MTSS1: variants seen among roughly 807,000 people sequenced by gnomAD.
MTSS1 encodes MTSS I-BAR domain containing 1, also known as protein MTSS 1.
A neutral mutation model predicts 79.0 loss-of-function variants in MTSS1; 18 were observed. The ratio of observed to expected loss-of-function variants is 0.23; its 90% CI spans 0.16 to 0.34. MTSS1 has a LOEUF of 0.34. Among genes scored for constraint, MTSS1 ranks in the 10% least tolerant of loss-of-function variants. MTSS1 has a pLI of 1.00. For synonymous variants in MTSS1, 341 were observed against 368.6 expected, an observed-to-expected ratio of 0.93 and a Z score of 0.86; for missense variants, 815 against 986.2, an observed-to-expected ratio of 0.83 and a Z score of 2.33.
chr8:124,688,698 A>G (rs1176695737), intron 3 of MTSS1, among the ~76,000 whole-genome samples: 1 of 152,212 alleles, frequency 6.6e-6, no homozygotes, highest in Non-Finnish European at 1.5e-5. Flanking sequence ...GAGAGACAGA[A>G]CAGAGATTTT....
intron 3 of MTSS1, among the ~76,000 whole-genome samples, chr8:124,655,651 A>G (rs1389492525): frequency 6.6e-6 from 1 of 152,212 alleles, no homozygotes; most frequent in East Asian, 1.9e-4. Context: ...CCACACCCAT[A>G]ATACAAGTTG....
rs1323210689 is a variant in MTSS1, at chr8:124,562,936, G to C, written c.881C>G (p.Ser294Cys). 6.2e-7 allele frequency: 1 copy of C among 1,613,526 alleles called. No individual in the cohort carries two copies. Among genetic ancestry groups the C allele is most frequent in the Non-Finnish European group, 8.5e-7 (1 of 1,179,776 alleles). The change falls in exon 10 of 14, where the codon TCC (serine) becomes TGC (cysteine). Residue 294 changes from serine (S) to cysteine (C), a missense_variant. This residue lies in a region of MTSS1 where 590 missense variants were observed against 620.8 expected (regional missense o/e 0.95). Coordinates refer to ENST00000518547, the MANE Select transcript of MTSS1 (RefSeq NM_014751.6). ...GCGGTAGCGGTAATGTGAGCTGGGG[G>C]AATGCGAGTGGGAGCCGCTGGACCG... ...DSRSSGSHSH[S>C]PSSHYRYRSS... is the part of the protein sequence containing the mutation.
At chr8:124,679,002 T>C (rs1341845338) in intron 3 of MTSS1, among the ~76,000 whole-genome samples, 1 of 152,240 alleles carries the variant, frequency 6.6e-6, no homozygotes, top group African/African-American at 2.4e-5. Context: ...GGAGCATGAA[T>C]TCAGGAGATC....
At chr8:124,691,170 A>G (rs1827871505) in intron 3 of MTSS1, among the ~76,000 whole-genome samples, 1 of 152,250 alleles carries the variant, frequency 6.6e-6, no homozygotes, top group Admixed American at 6.5e-5. Flanking sequence ...TGAAGTGGAA[A>G]AACACCAAAA....
intron 3 of MTSS1, among the ~76,000 whole-genome samples, chr8:124,628,226 T>C (rs1298870699): frequency 1.3e-5 from 2 of 152,114 alleles, no homozygotes; most frequent in African/African-American, 2.4e-5. Flanking sequence ...AGGTCAGTAA[T>C]ACAAACAGAA....
intron 3 of MTSS1, among the ~76,000 whole-genome samples, chr8:124,619,774 A>G (rs1298709941): frequency 6.6e-6 from 1 of 152,178 alleles, no homozygotes; most frequent in Non-Finnish European, 1.5e-5. Flanking sequence ...ATGTGGCCCA[A>G]CAGCTCCATA....
intron 1 of MTSS1, among the ~76,000 whole-genome samples, chr8:124,714,449 T>C (rs755535671): frequency 4.6e-5 from 7 of 151,902 alleles, no homozygotes; most frequent in Non-Finnish European, 7.4e-5. Context: ...CTCCTGAGTT[T>C]GCTCAGTTGT....
At chr8:124,627,157 C>G (rs1015092748) in intron 3 of MTSS1, among the ~76,000 whole-genome samples, 4 of 152,172 alleles carry the variant, frequency 2.6e-5, no homozygotes, top group Admixed American at 2.6e-4. Context: ...CCCCTGCAAC[C>G]TGGTACCTCT....
chr8:124,564,775 G>C (rs1826051559), intron 9 of MTSS1: 1 of 150,948 alleles, frequency 6.6e-6, no homozygotes, highest in Admixed American at 6.6e-5. Context: ...TGTCCAGGAT[G>C]CAGCGTCTTA....
intron 3 of MTSS1, among the ~76,000 whole-genome samples, chr8:124,628,306 C>A (rs550077563): frequency 1.2e-3 from 177 of 152,250 alleles, no homozygotes; most frequent in African/African-American, 3.8e-3. Flanking sequence ...ACATCAGCCG[C>A]GTCAGTCTTA....
chr8:124,697,442 C>A (rs1199998532), intron 3 of MTSS1, among the ~76,000 whole-genome samples: 1 of 152,156 alleles, frequency 6.6e-6, no homozygotes, highest in East Asian at 1.9e-4. Flanking sequence ...TGCCTGTAAT[C>A]CCAGCTACAC....
chr8:124,587,669 GT>G (rs1011697177), intron 5 of MTSS1, among the ~76,000 whole-genome samples: 1 of 151,932 alleles, frequency 6.6e-6, no homozygotes, highest in East Asian at 1.9e-4. Flanking sequence ...CAGCTAATTG[GT>G]TTTTTTGTAT....
intron 12 of MTSS1, 38 bp from the exon 13 acceptor site, chr8:124,555,942 G>T (rs766879304): frequency 6.8e-6 from 4 of 589,530 alleles, no homozygotes; most frequent in East Asian, 3.6e-5. Context: ...GGTTGCTTTA[G>T]GGGGGGGGCT....
intron 1 of MTSS1, among the ~76,000 whole-genome samples, chr8:124,706,856 C>A (rs74536219): frequency 0.026 from 3,915 of 152,236 alleles, 156 homozygotes; most frequent in African/African-American, 0.089. Flanking sequence ...AACATACATA[C>A]CATTTTTTTA....
chr8:124,722,782 CTTTG>C (rs1297564299), intron 1 of MTSS1, among the ~76,000 whole-genome samples: 1 of 152,074 alleles, frequency 6.6e-6, no homozygotes, highest in Non-Finnish European at 1.5e-5. Context: ...TGAGGTATTT[CTTTG>C]TTTTTGCAGA....
At chr8:124,564,075 G>A (rs760935708) in intron 9 of MTSS1, among the ~76,000 whole-genome samples, 15 of 146,396 alleles carry the variant, frequency 1.0e-4, no homozygotes, top group Admixed American at 2.7e-4. Flanking sequence ...AAGTTGCAGC[G>A]AGCTGAGATT....
chr8:124,666,795 C>T (rs1434121960), intron 3 of MTSS1, among the ~76,000 whole-genome samples: 1 of 151,962 alleles, frequency 6.6e-6, no homozygotes, highest in Admixed American at 6.6e-5. Flanking sequence ...AGATAGTGAG[C>T]TTTATCATGT....
intron 3 of MTSS1, among the ~76,000 whole-genome samples, chr8:124,688,221 G>T (rs887181059): frequency 6.6e-6 from 1 of 151,936 alleles, no homozygotes; most frequent in Non-Finnish European, 1.5e-5. Flanking sequence ...ATATATGCGT[G>T]TGTATGTGTA....
At chr8:124,673,664 G>T (rs576648699) in intron 3 of MTSS1, among the ~76,000 whole-genome samples, 1 of 152,334 alleles carries the variant, frequency 6.6e-6, no homozygotes, top group East Asian at 1.9e-4. Flanking sequence ...AAGAGAAGGA[G>T]ACCCAGATTC....
Sources: gnomAD v4.1 joint callset for allele counts (sites outside exome capture counted in the v4.1 genomes callset) on GRCh38, gnomAD v4.1.1 for gene constraint, gnomAD v4.1.1 regional missense constraint, MANE v1.5 for transcripts, NCBI Gene and HGNC (gene_info 2026-07-23, HGNC 2026-07-21) for gene names.